ALKBH5: variants seen among roughly 807,000 people sequenced by gnomAD.
ALKBH5 encodes the protein alkB homolog 5, RNA demethylase.
ALKBH5 carries 2 observed loss-of-function variants against 32.1 expected under a neutral mutation model. The ratio of observed to expected loss-of-function variants is 0.06; its 90% CI spans 0.03 to 0.20. The LOEUF (loss-of-function observed/expected upper bound fraction) is 0.20, where lower values mean the gene tolerates loss of function less well. Ranked by LOEUF, ALKBH5 falls within the 10% of genes least tolerant of loss-of-function variation. The pLI is 1.00. For synonymous variants in ALKBH5, 300 were observed against 231.7 expected (o/e 1.29, Z -2.68); for missense variants, 352 against 559.5 (o/e 0.63, Z 3.74).
Position 18,208,544 on chromosome 17 carries a change from T to C in ALKBH5, c.*148T>C. Reference sequence around the variant, plus strand: ...TTCTATATATTTTTCCTTGGTTTTGTTGCCTGTTAGGGCTGAAGAATAGAA... The same window carrying C: ...TTCTATATATTTTTCCTTGGTTTTGCTGCCTGTTAGGGCTGAAGAATAGAA... On this transcript the variant is annotated 3_prime_UTR_variant, in exon 4 of 4. Transcript: ENST00000399138. 1.0e-6 allele frequency: 1 copy of C among 970,782 alleles called. No individual in the cohort carries two copies. Among genetic ancestry groups the C allele is most frequent in the African/African-American group, 1.6e-5 (1 of 61,352 alleles). The allele number at this position is 970,782 out of a possible 1,614,324, so 60.1% of individuals were successfully genotyped here. A position where few individuals can be genotyped will look rare whatever the true frequency, so the allele number is the denominator to read the frequency against.
intron 3 of ALKBH5, 65 bp from the exon 4 acceptor site, chr17:18,208,154 C>CAGCG: frequency 6.6e-7 from 1 of 1,518,768 alleles, no homozygotes; most frequent in Non-Finnish European, 8.9e-7. Flanking sequence ...AGACGAGGTA[C>CAGCG]AGCGGTAAAG....
At chr17:18,186,549 C>T (rs2047140643) in intron 1 of ALKBH5, among the ~76,000 whole-genome samples, 1 of 152,080 alleles carries the variant, frequency 6.6e-6, no homozygotes, top group Non-Finnish European at 1.5e-5. Context: ...GAGGGGATCA[C>T]AAGGCATTTT....
rs1423860939 is a variant in ALKBH5 at position 18,184,077 on chromosome 17, A to C, written c.-167A>C. 1.2e-5 allele frequency: 8 copies of C among 688,838 alleles called. No individual in the cohort carries two copies. In the East Asian group the frequency reaches 1.5e-4, roughly 13 times the overall value. 42.7% of individuals were successfully genotyped at this position (688,838 alleles called of 1,614,324 possible). A position where few individuals can be genotyped will look rare whatever the true frequency, so the allele number is the denominator to read the frequency against. On this transcript the variant is annotated 5_prime_UTR_variant, in exon 1 of 4. Coordinates refer to ENST00000399138, the MANE Select transcript of ALKBH5 (RefSeq NM_017758.4). ...CATGACCCGCCGCTCCTGAGGCCCT[A>C]CCCCACGCCCGGACCCTCGACGCCC...
rs1256860570 is a variant in ALKBH5 at position 18,184,014 on chromosome 17, A to C, written c.-230A>C. On this transcript the variant is annotated 5_prime_UTR_variant, in exon 1 of 4. Coordinates refer to ENST00000399138, the MANE Select transcript of ALKBH5 (RefSeq NM_017758.4). Reference sequence around the variant, plus strand: ...GCCCCTGCCCCGCGGGACGTGGAGAAGGTGGAGGAGGAAGAAGCCCCGTTG... The same window carrying C: ...GCCCCTGCCCCGCGGGACGTGGAGACGGTGGAGGAGGAAGAAGCCCCGTTG... 6.0e-6 allele frequency: 4 copies of C among 662,724 alleles called. No individual in the cohort carries two copies. The East Asian group carries it at 9.1e-5, about 15-fold the overall frequency. The allele number at this position is 662,724 out of a possible 1,614,324, so 41.1% of individuals were successfully genotyped here.
At chr17:18,200,863 G>A (rs779073980) in intron 2 of ALKBH5, among the ~76,000 whole-genome samples, 4 of 152,326 alleles carry the variant, frequency 2.6e-5, no homozygotes, top group Admixed American at 1.3e-4. Flanking sequence ...TTGATACACC[G>A]GCCTAAGACA....
chr17:18,193,092 A>G (rs1597837835), intron 1 of ALKBH5, among the ~76,000 whole-genome samples: 2 of 152,060 alleles, frequency 1.3e-5, no homozygotes, highest in Admixed American at 6.5e-5. Context: ...TCCTAACCTC[A>G]GGCAACATGC....
chr17:18,189,108 T>C (rs936144374), intron 1 of ALKBH5, among the ~76,000 whole-genome samples: 6 of 150,480 alleles, frequency 4.0e-5, no homozygotes, highest in Non-Finnish European at 7.4e-5. Context: ...CCGGGCGCGG[T>C]GGCTCACGCC....
At chr17:18,205,556 A>T (rs1046071896) in intron 2 of ALKBH5, among the ~76,000 whole-genome samples, 2 of 152,116 alleles carry the variant, frequency 1.3e-5, no homozygotes, top group African/African-American at 4.8e-5. Flanking sequence ...GTTCAGAGTA[A>T]CTCTTGCCTG....
chr17:18,206,675 A>G (rs2047270467), intron 2 of ALKBH5, 140 bp from the exon 3 acceptor site: 2 of 876,106 alleles, frequency 2.3e-6, no homozygotes, highest in South Asian at 3.3e-5. Flanking sequence ...TTGAACCTCA[A>G]GGAGAGTGAG....
rs2047121040 is a variant in ALKBH5 at position 18,184,243 on chromosome 17, C to T, written c.-1C>T. 2.0e-6 allele frequency: 3 copies of T among 1,514,602 alleles called. No individual in the cohort carries two copies. The highest frequency in any genetic ancestry group is 2.5e-5 in the South Asian group (2 of 81,244). 93.8% of individuals were successfully genotyped at this position (1,514,602 alleles called of 1,614,324 possible). On this transcript the variant is annotated 5_prime_UTR_variant, in exon 1 of 4. Transcript: ENST00000399138. Reference sequence around the variant, plus strand: ...GACCCTAGAGCAGCGTCGTGGGGGCCATGGCGGCCGCCAGCGGCTACACGG... The same window carrying T: ...GACCCTAGAGCAGCGTCGTGGGGGCTATGGCGGCCGCCAGCGGCTACACGG...
At chr17:18,198,718 C>T (rs995916243) in intron 2 of ALKBH5, among the ~76,000 whole-genome samples, 12 of 152,158 alleles carry the variant, frequency 7.9e-5, no homozygotes, top group Admixed American at 2.6e-4. Flanking sequence ...AAGGGCCTCA[C>T]GGAAGGAAAT....
intron 1 of ALKBH5, among the ~76,000 whole-genome samples, chr17:18,188,670 G>A (rs1464278191): frequency 1.3e-5 from 2 of 152,200 alleles, no homozygotes; most frequent in African/African-American, 4.8e-5. Context: ...CCTTGCTGCT[G>A]CCAGAGCCTG....
chr17:18,202,918 AC>A (rs1357765053), intron 2 of ALKBH5, among the ~76,000 whole-genome samples: 1 of 152,076 alleles, frequency 6.6e-6, no homozygotes, highest in Non-Finnish European at 1.5e-5. Context: ...TACTAAAAAT[AC>A]AAAAATTAGC....
intron 2 of ALKBH5, among the ~76,000 whole-genome samples, chr17:18,202,232 C>T (rs1035985034): frequency 3.3e-5 from 5 of 151,418 alleles, no homozygotes; most frequent in Non-Finnish European, 7.4e-5. Context: ...GGCATGAACC[C>T]AGGAGGCGGA....
chr17:18,199,616 A>G (rs1245184520), intron 2 of ALKBH5, among the ~76,000 whole-genome samples: 2 of 152,194 alleles, frequency 1.3e-5, no homozygotes, highest in Non-Finnish European at 2.9e-5. Context: ...GCCTTTGAGC[A>G]GGGATTTCTG....
chr17:18,187,184 T>A (rs1008775510), intron 1 of ALKBH5, among the ~76,000 whole-genome samples: 1 of 152,006 alleles, frequency 6.6e-6, no homozygotes, highest in Non-Finnish European at 1.5e-5. Context: ...TTTTCCACTT[T>A]GGAGTGTTGG....
At chr17:18,205,085 A>G (rs2047261740) in intron 2 of ALKBH5, among the ~76,000 whole-genome samples, 1 of 152,128 alleles carries the variant, frequency 6.6e-6, no homozygotes, top group African/African-American at 2.4e-5. Flanking sequence ...ATTCTATTTC[A>G]CATACTCATC....
intron 3 of ALKBH5, among the ~76,000 whole-genome samples, chr17:18,207,673 AAAAT>A (rs1378720065): frequency 7.9e-5 from 12 of 152,192 alleles, no homozygotes; most frequent in African/African-American, 2.9e-4. Flanking sequence ...AAAAAAAAAA[AAAAT>A]ATTTTTTAAG....
rs139393108 is a variant in ALKBH5, at chr17:18,208,853, G to T, written c.*457G>T. 4.9e-4 allele frequency: 140 copies of T among 283,830 alleles called. No homozygotes were observed. In the Middle Eastern group the frequency reaches 7.9e-3, roughly 16 times the overall value. The allele number at this position is 283,830 out of a possible 1,614,324, so 17.6% of individuals were successfully genotyped here. A position where few individuals can be genotyped will look rare whatever the true frequency, so the allele number is the denominator to read the frequency against. ...TCACTGATGTCTGCACTTGGTTGAG[G>T]TCTCCTGGAGCCTCACAGGCTCTGC... On this transcript the variant is annotated 3_prime_UTR_variant, in exon 4 of 4. Coordinates refer to ENST00000399138, the MANE Select transcript of ALKBH5 (RefSeq NM_017758.4).
Sources: gnomAD v4.1 joint callset for allele counts (sites outside exome capture counted in the v4.1 genomes callset) on GRCh38, gnomAD v4.1.1 for gene constraint, MANE v1.5 for transcripts, NCBI Gene and HGNC (gene_info 2026-07-23, HGNC 2026-07-21) for gene names.